The following TRPC3 variants were observed in gnomAD, a reference collection of about 807,000 sequenced individuals.
TRPC3 encodes short transient receptor potential channel 3.
A neutral mutation model predicts 90.9 loss-of-function variants in TRPC3; 54 were observed. That is an observed-to-expected ratio of 0.59 (90% CI 0.48 to 0.75). The LOEUF (loss-of-function observed/expected upper bound fraction) is 0.75. Ranked by LOEUF, TRPC3 falls within the 30% of genes least tolerant of loss-of-function variation. The pLI, the probability that TRPC3 is intolerant of heterozygous loss-of-function variation, is 0.00. For missense variants in TRPC3, 918 were observed against 1,194.5 expected (o/e 0.77, Z 3.41); for synonymous variants, 424 against 450.9 (o/e 0.94, Z 0.75).
Position 121,876,169 on chromosome 4 carries a change from G to T in TRPC3, c.*3567C>A, listed in dbSNP as rs545782202. On this transcript the variant is annotated 3_prime_UTR_variant, in exon 12 of 12. Transcript: ENST00000379645. ...CTGCTTCAACGTCCCAAAGTGCTGC[G>T]ATTACAGGTGTGCACCACTGTGCCC... Among the ~76,000 whole-genome samples, 6 of 151,948 alleles carry T rather than the reference G, an allele frequency of 3.9e-5. No homozygotes were observed. Among genetic ancestry groups the T allele is most frequent in the Non-Finnish European group, 5.9e-5 (4 of 67,992 alleles).
At chr4:121,950,622 A>T (rs936124023) in intron 1 of TRPC3, 4 of 152,204 alleles carry the variant, frequency 2.6e-5, no homozygotes, top group Admixed American at 2.6e-4. Flanking sequence ...AATTAAGAAA[A>T]GTTGCTCTTT....
intron 10 of TRPC3, among the ~76,000 whole-genome samples, chr4:121,884,936 C>T (rs1407902512): frequency 1.3e-5 from 2 of 152,076 alleles, no homozygotes; most frequent in Non-Finnish European, 2.9e-5. Context: ...AATGGGTGAA[C>T]ATATCAGGGA....
chr4:121,933,272 C>T (rs752981570), intron 1 of TRPC3: 59 of 763,188 alleles, frequency 7.7e-5, no homozygotes, highest in Admixed American at 4.3e-4. Context: ...AGAACAAAAG[C>T]TCCTATTCTC....
intron 3 of TRPC3, among the ~76,000 whole-genome samples, chr4:121,915,709 C>G (rs1164747255): frequency 6.6e-6 from 1 of 151,568 alleles, no homozygotes; most frequent in African/African-American, 2.4e-5. Context: ...TTTTTTTTCC[C>G]GTTTGATTTT....
At chr4:121,918,856 T>C (rs77099568) in intron 3 of TRPC3, among the ~76,000 whole-genome samples, 107 of 152,278 alleles carry the variant, frequency 7.0e-4, no homozygotes, top group African/African-American at 2.4e-3. Context: ...AAAAAGCTAA[T>C]CCCTTTAGGA....
chr4:121,888,963 A>G (rs1172355231), intron 10 of TRPC3, among the ~76,000 whole-genome samples: 1 of 152,202 alleles, frequency 6.6e-6, no homozygotes, highest in East Asian at 1.9e-4. Context: ...CATATGAGAC[A>G]GAGTGAGAAG....
chr4:121,885,102 G>A lies in TRPC3; in HGVS notation c.2548-2673C>T, dbSNP rs142141544. ...TAGTGCTGAGACAAGTTGAGCCTCT[G>A]CACAAGGCAAGAAGGTACCTGAGAT... On this transcript the variant is annotated intron_variant, in intron 10 of 11. Coordinates refer to ENST00000379645, the MANE Select transcript of TRPC3 (RefSeq NM_001130698.2). Among the ~76,000 whole-genome samples, 32 of 152,308 alleles carry A rather than the reference G, an allele frequency of 2.1e-4. 1 individual carries two copies. In the South Asian group the frequency reaches 2.5e-3, roughly 12 times the overall value.
intron 10 of TRPC3, among the ~76,000 whole-genome samples, chr4:121,886,947 G>C (rs1042472464): frequency 2.5e-4 from 38 of 152,208 alleles, no homozygotes; most frequent in African/African-American, 9.2e-4. Flanking sequence ...AGGAAAAGAA[G>C]AGGCAGTTCC....
intron 2 of TRPC3, among the ~76,000 whole-genome samples, chr4:121,929,864 A>AC (rs201202704): frequency 0.039 from 5,948 of 151,730 alleles, 385 homozygotes; most frequent in African/African-American, 0.14. Context: ...TCACTAGGAA[A>AC]AAATTTTTTT....
intron 11 of TRPC3, among the ~76,000 whole-genome samples, 189 bp from the exon 12 acceptor site, chr4:121,880,067 TA>T (rs1727889319): frequency 2.6e-5 from 4 of 152,220 alleles, no homozygotes; most frequent in Admixed American, 2.0e-4. Context: ...TGAAAAAAGC[TA>T]TAAAAATAGT....
At chr4:121,891,422 T>A (rs1423963330) in intron 10 of TRPC3, among the ~76,000 whole-genome samples, 1 of 152,302 alleles carries the variant, frequency 6.6e-6, no homozygotes, top group Non-Finnish European at 1.5e-5. Flanking sequence ...ACTGACTATG[T>A]TTAACTGTGG....
rs200829702 is a variant in TRPC3, at chr4:121,951,705, G to T, written c.-25C>A. 3,926 of 1,295,252 alleles carry T rather than the reference G, an allele frequency of 3.0e-3. 8 individuals are homozygous for T. Among genetic ancestry groups the T allele is most frequent in the Non-Finnish European group, 3.7e-3 (3,713 of 1,011,726 alleles). 80.2% of individuals were successfully genotyped at this position (1,295,252 alleles called of 1,614,324 possible). A position where few individuals can be genotyped will look rare whatever the true frequency, so the allele number is the denominator to read the frequency against. Reference sequence around the variant, plus strand: ...TCGCGCCGGCTGCGGTCCGAGTGTGGGGGTGCCGGCTGCCGGCCTCCTCCG... The same window carrying T: ...TCGCGCCGGCTGCGGTCCGAGTGTGTGGGTGCCGGCTGCCGGCCTCCTCCG... On this transcript the variant is annotated 5_prime_UTR_variant, in exon 1 of 12. Transcript: ENST00000379645. The surrounding 1 kb of genome is among the most constrained non-coding windows in gnomAD (Gnocchi z 4.4).
chr4:121,875,354 G>A lies in TRPC3; in HGVS notation c.*4382C>T, dbSNP rs1183178706. ...ATTCTTTGATTTTGCATCTAAAAATGCAATTTATTATTTTTAAAGTACATA... is the reference window on the plus strand; with the variant it reads ...ATTCTTTGATTTTGCATCTAAAAATACAATTTATTATTTTTAAAGTACATA... On this transcript the variant is annotated 3_prime_UTR_variant, in exon 12 of 12. Coordinates refer to ENST00000379645, the MANE Select transcript of TRPC3 (RefSeq NM_001130698.2). Among the ~76,000 whole-genome samples the A allele has an allele frequency of 6.6e-6, 1 of 152,158 alleles. No homozygotes were observed. Among genetic ancestry groups the A allele is most frequent in the Admixed American group, 6.5e-5 (1 of 15,272 alleles).
Position 121,932,718 on chromosome 4 carries a change from C to A in TRPC3, c.540G>T (p.Leu180=). ...GCACGTAGCCCTTGCTGATGGCGAG[C>A]AGCAGGGCGTCGCCAATGCGCGCCA... ...ENLARIGDAL[L]LAISKGYVRI... is the part of the protein sequence containing the mutation. Residue 180 remains leucine, a synonymous_variant, in exon 2 of 12, where the codon CTG becomes CTT. Coordinates refer to ENST00000379645, the MANE Select transcript of TRPC3 (RefSeq NM_001130698.2). The surrounding 1 kb of genome is among the most constrained non-coding windows in gnomAD (Gnocchi z 7.7). 7 of 1,613,794 alleles carry A rather than the reference C, an allele frequency of 4.3e-6. No homozygotes were observed. The highest frequency in any genetic ancestry group is 5.9e-6 in the Non-Finnish European group (7 of 1,179,810).
At chr4:121,895,472 C>A (rs889793815) in intron 10 of TRPC3, among the ~76,000 whole-genome samples, 10 of 151,312 alleles carry the variant, frequency 6.6e-5, no homozygotes, top group Non-Finnish European at 1.3e-4. Context: ...AGATATGACT[C>A]AAATAAATAA....
chr4:121,941,154 T>C (rs1232492410), intron 1 of TRPC3, among the ~76,000 whole-genome samples: 1 of 152,222 alleles, frequency 6.6e-6, no homozygotes, highest in African/African-American at 2.4e-5. Context: ...ATTTTGGTTC[T>C]ACAAAGAACA....
At position 121,904,594 on chromosome 4, in the gene TRPC3, A is replaced by C. The variant is rs1728818475; in HGVS notation, c.2058-77T>G. 20 of 1,102,112 alleles carry C rather than the reference A, an allele frequency of 1.8e-5. No homozygotes were observed. The South Asian group carries it at 3.0e-4, about 17-fold the overall frequency. The allele number at this position is 1,102,112 out of a possible 1,614,324, so 68.3% of individuals were successfully genotyped here. ...AAGAGTGAAAAGTAAAAAACAAGTT[A>C]GGGTTTAACTACTGTACAGATGTAA... On this transcript the variant is annotated intron_variant, in intron 7 of 11. Coordinates refer to ENST00000379645, the MANE Select transcript of TRPC3 (RefSeq NM_001130698.2).
intron 10 of TRPC3, among the ~76,000 whole-genome samples, chr4:121,891,855 G>A (rs372856106): frequency 6.6e-6 from 1 of 152,078 alleles, no homozygotes; most frequent in Non-Finnish European, 1.5e-5. Flanking sequence ...CTTGTCCCTT[G>A]TTAAGTTGGT....
intron 7 of TRPC3, among the ~76,000 whole-genome samples, chr4:121,905,911 A>T (rs934699563): frequency 2.6e-5 from 4 of 152,030 alleles, no homozygotes; most frequent in Non-Finnish European, 5.9e-5. Context: ...AGTAAGAAAA[A>T]CTATAATCTT....
Sources: gnomAD v4.1 joint callset for allele counts (sites outside exome capture counted in the v4.1 genomes callset) on GRCh38, gnomAD v4.1.1 for gene constraint, Gnocchi (gnomAD v3.1) non-coding constraint, MANE v1.5 for transcripts, NCBI Gene and HGNC (gene_info 2026-07-23, HGNC 2026-07-21) for gene names.